Variants in SYT2 observed in about 807,000 individuals in gnomAD.
SYT2 encodes synaptotagmin-2.
In SYT2, 15 loss-of-function variants were observed where a neutral mutation model predicts 39.9. The observed-to-expected ratio is 0.38, with a 90% CI of 0.25 to 0.58. SYT2 has a LOEUF of 0.58. Ranked by LOEUF, SYT2 falls within the 20% of genes least tolerant of loss-of-function variation. The probability of loss-of-function intolerance (pLI) is 0.70; values close to 1 mark genes in which losing one functional copy is unlikely to be tolerated. For missense variants in SYT2, 389 were observed against 530.3 expected, an observed-to-expected ratio of 0.73 and a Z score of 2.62; for synonymous variants, 181 against 204.5, an observed-to-expected ratio of 0.89 and a Z score of 0.98.
intron 1 of SYT2, among the ~76,000 whole-genome samples, chr1:202,662,718 G>A (rs1692405702): frequency 6.6e-6 from 1 of 152,198 alleles, no homozygotes; most frequent in Non-Finnish European, 1.5e-5. Flanking sequence ...ACAAAGCCTG[G>A]TCCCATCGTT....
At chr1:202,708,743 C>T (rs773040330) in intron 1 of SYT2, among the ~76,000 whole-genome samples, 3 of 152,198 alleles carry the variant, frequency 2.0e-5, no homozygotes, top group Non-Finnish European at 2.9e-5. Flanking sequence ...ATGCCAGGCA[C>T]GTCCCACTGC....
At chr1:202,710,046 G>C (rs971446951) in intron 1 of SYT2, among the ~76,000 whole-genome samples, 3 of 151,816 alleles carry the variant, frequency 2.0e-5, no homozygotes, top group Admixed American at 2.0e-4. Context: ...TCGCCCCTCG[G>C]GTCCGACTCC....
chr1:202,630,325 AT>A, intron 1 of SYT2: 4 of 974,586 alleles, frequency 4.1e-6, no homozygotes, highest in Non-Finnish European at 4.9e-6. Flanking sequence ...TGGAGGACAC[AT>A]GGGGAGAGGG....
chr1:202,604,346 G>C, intron 3 of SYT2, 109 bp downstream of exon 3: 1 of 1,111,958 alleles, frequency 9.0e-7, no homozygotes. Flanking sequence ...GTTTTAAGGA[G>C]GGGAGCAGGT....
chr1:202,638,989 T>C, intron 1 of SYT2, among the ~76,000 whole-genome samples: 1 of 152,160 alleles, frequency 6.6e-6, no homozygotes, highest in East Asian at 1.9e-4. Context: ...GAAGTAATAT[T>C]TCTGTCTTTT....
chr1:202,603,303 T>C (rs938907918), intron 3 of SYT2, among the ~76,000 whole-genome samples, 185 bp from the exon 4 acceptor site: 9 of 152,096 alleles, frequency 5.9e-5, no homozygotes, highest in African/African-American at 2.2e-4. Flanking sequence ...TCAGAACCCC[T>C]AGGTGGCTCC....
chr1:202,699,772 T>C (rs1460733694), intron 1 of SYT2, among the ~76,000 whole-genome samples: 1 of 151,964 alleles, frequency 6.6e-6, no homozygotes, highest in African/African-American at 2.4e-5. Flanking sequence ...GTATGAACAT[T>C]TGCTGAGGTC....
chr1:202,626,892 C>T, intron 1 of SYT2, among the ~76,000 whole-genome samples: 1 of 152,196 alleles, frequency 6.6e-6, no homozygotes, highest in Non-Finnish European at 1.5e-5. Flanking sequence ...GTGCCTGTCT[C>T]ACAGGGATGT....
At chr1:202,666,757 G>A (rs932902371) in intron 1 of SYT2, among the ~76,000 whole-genome samples, 2 of 152,148 alleles carry the variant, frequency 1.3e-5, no homozygotes, top group Non-Finnish European at 2.9e-5. Context: ...CAAGATGGGC[G>A]GATCACCTGA....
intron 1 of SYT2, among the ~76,000 whole-genome samples, chr1:202,708,364 T>C (rs995813743): frequency 1.4e-4 from 21 of 151,940 alleles, no homozygotes; most frequent in Non-Finnish European, 2.6e-4. Flanking sequence ...GGCTATAACC[T>C]AGAAACTTTC....
At chr1:202,667,207 AAAG>A (rs1237667175) in intron 1 of SYT2, among the ~76,000 whole-genome samples, 1 of 152,180 alleles carries the variant, frequency 6.6e-6, no homozygotes, top group Non-Finnish European at 1.5e-5. Context: ...GGGAGGAAAA[AAAG>A]GAGGAGGTGG....
At position 202,671,012 on chromosome 1, in the gene SYT2, C is replaced by T. The variant is rs146579901; in HGVS notation, c.-18+39246G>A. On this transcript the variant is annotated intron_variant, in intron 1 of 8. Transcript: ENST00000367268. ...TTCACCTGGTCAGGGTTGATACAGG[C>T]GAGGCCAAAGAACCAATCCTTTGTG... Among the ~76,000 whole-genome samples, 45 of 152,290 alleles carry T rather than the reference C, an allele frequency of 3.0e-4. No homozygotes were observed. In the East Asian group the frequency reaches 6.0e-3, roughly 20 times the overall value.
chr1:202,647,983 G>A (rs1214078215), intron 1 of SYT2, among the ~76,000 whole-genome samples: 2 of 148,558 alleles, frequency 1.3e-5, no homozygotes, highest in South Asian at 4.1e-4. Flanking sequence ...AGCCAGTGGT[G>A]GGAGTAGAAT....
intron 1 of SYT2, among the ~76,000 whole-genome samples, chr1:202,636,679 C>A (rs879387676): frequency 6.6e-6 from 1 of 152,182 alleles, no homozygotes. Context: ...ATCTACAAAA[C>A]GTCAGTTTTC....
chr1:202,701,816 T>C (rs1387556814), intron 1 of SYT2, among the ~76,000 whole-genome samples: 2 of 152,182 alleles, frequency 1.3e-5, no homozygotes, highest in African/African-American at 4.8e-5. Flanking sequence ...TGCTATAAGG[T>C]AAACTTCACA....
rs1690930669 is a variant in SYT2 at position 202,613,067 on chromosome 1, C to CTTTTTTTTTT, written c.-17-7279_-17-7278insAAAAAAAAAA. Among the ~76,000 whole-genome samples the CTTTTTTTTTT allele has an allele frequency of 4.1e-5, 5 of 121,604 alleles. 2 individuals carry two copies. Among genetic ancestry groups the CTTTTTTTTTT allele is most frequent in the Non-Finnish European group, 5.0e-5 (3 of 59,938 alleles). 79.8% of individuals were successfully genotyped at this position (121,604 alleles called of 152,430 possible). On this transcript the variant is annotated intron_variant, in intron 1 of 8. Transcript: ENST00000367268. ...CACATTGCCGAACTCATTGGTTCTT[C>CTTTTTTTTTT]CTTTTTTTTTTTTTTTTTTTTTTTT...
At chr1:202,643,884 A>C (rs1260733883) in intron 1 of SYT2, among the ~76,000 whole-genome samples, 3 of 152,086 alleles carry the variant, frequency 2.0e-5, no homozygotes, top group Non-Finnish European at 4.4e-5. Flanking sequence ...CCCACCCGCC[A>C]GCTCCGAGTT....
In SYT2 at chr1:202,693,097, A is replaced by ACT. The variant is rs1402272143; in HGVS notation, c.-18+17159_-18+17160dup. ...ATATTGATGCATCCATCACCCGAGCACTCAGCTTTTGACCCTACTGTCTGT... is the reference window on the plus strand; with the variant it reads ...ATATTGATGCATCCATCACCCGAGCACTCTCAGCTTTTGACCCTACTGTCTGT... On this transcript the variant is annotated intron_variant, in intron 1 of 8. Coordinates refer to ENST00000367268, the MANE Select transcript of SYT2 (RefSeq NM_177402.5). Among the ~76,000 whole-genome samples, 9 of 152,100 alleles carry ACT rather than the reference A, an allele frequency of 5.9e-5. No homozygotes were observed. In the East Asian group the frequency reaches 1.7e-3, roughly 29 times the overall value.
At chr1:202,610,684 C>A (rs1690862556) in intron 1 of SYT2, among the ~76,000 whole-genome samples, 1 of 151,522 alleles carries the variant, frequency 6.6e-6, no homozygotes, top group Non-Finnish European at 1.5e-5. Context: ...CAACAACAGA[C>A]AAACAGAGAG....
Sources: allele counts gnomAD v4.1 joint callset (sites outside exome capture counted in the v4.1 genomes callset), GRCh38; gene constraint gnomAD v4.1.1; transcripts MANE v1.5; gene names NCBI Gene and HGNC (gene_info 2026-07-23, HGNC 2026-07-21).